The following CDKAL1 variants were observed in gnomAD, a reference collection of about 807,000 sequenced individuals.
The protein encoded by CDKAL1 is CDKAL1 threonylcarbamoyladenosine tRNA methylthiotransferase.
A neutral mutation model predicts 68.2 loss-of-function variants in CDKAL1; 32 were observed. The observed-to-expected ratio is 0.47, with a 90% confidence interval of 0.35 to 0.63. The LOEUF (loss-of-function observed/expected upper bound fraction) is 0.63, where lower values mean the gene tolerates loss of function less well. CDKAL1 is among the 30% of genes least tolerant of loss of function. The pLI is 0.00. For synonymous variants in CDKAL1, 234 were observed against 244.3 expected, an observed-to-expected ratio of 0.96 and a Z score of 0.39; for missense variants, 606 against 696.7, an observed-to-expected ratio of 0.87 and a Z score of 1.47.
intron 15 of CDKAL1, among the ~76,000 whole-genome samples, chr6:21,205,267 G>A (rs748613990): frequency 3.5e-4 from 54 of 152,192 alleles, no homozygotes; most frequent in Non-Finnish European, 6.8e-4. Flanking sequence ...GAACATGGGT[G>A]CACAGATATC....
At chr6:21,043,833 G>A (rs1259073687) in intron 11 of CDKAL1, among the ~76,000 whole-genome samples, 1 of 152,238 alleles carries the variant, frequency 6.6e-6, no homozygotes, top group Non-Finnish European at 1.5e-5. Flanking sequence ...TATTGTCACA[G>A]TGTATACAGC....
intron 8 of CDKAL1, among the ~76,000 whole-genome samples, chr6:20,836,673 C>T (rs1180115557): frequency 6.6e-6 from 1 of 152,076 alleles, no homozygotes. Context: ...CAGCACAATT[C>T]TTTATAAAGG....
In CDKAL1 at chr6:20,930,482, GA is replaced by G. The variant is rs1464814760; in HGVS notation, c.743-24934del. On this transcript the variant is annotated intron_variant, in intron 9 of 15. Transcript: ENST00000274695. ...AAGAAGTAGTTTTTGTCTCCAAATG[GA>G]AATTCCAGAGTAATTCAAATGCCTT... Among the ~76,000 whole-genome samples the G allele has an allele frequency of 5.3e-5, 8 of 152,156 alleles. No individual in the cohort carries two copies. In the East Asian group the frequency reaches 1.6e-3, roughly 29 times the overall value.
chr6:20,538,489 C>A (rs1763264654), intron 2 of CDKAL1, among the ~76,000 whole-genome samples: 1 of 152,186 alleles, frequency 6.6e-6, no homozygotes, highest in Non-Finnish European at 1.5e-5. Context: ...AGAAGCTTAG[C>A]AACTTCTGCT....
chr6:21,011,196 G>C (rs923136724), intron 11 of CDKAL1, among the ~76,000 whole-genome samples: 1 of 149,974 alleles, frequency 6.7e-6, no homozygotes, highest in African/African-American at 2.5e-5. Context: ...GGCTAACATG[G>C]TGAAACCCCA....
At chr6:21,229,753 G>A (rs946092073) in intron 15 of CDKAL1, among the ~76,000 whole-genome samples, 1 of 152,120 alleles carries the variant, frequency 6.6e-6, no homozygotes, top group Non-Finnish European at 1.5e-5. Flanking sequence ...CAACAGGGGA[G>A]TCCCATGTTA....
intron 11 of CDKAL1, among the ~76,000 whole-genome samples, chr6:21,062,592 A>G (rs1272983511): frequency 6.6e-6 from 1 of 152,144 alleles, no homozygotes; most frequent in Admixed American, 6.5e-5. Context: ...TTTTCTATTT[A>G]TCATCATGGA....
chr6:20,756,877 T>G (rs1429611378), intron 6 of CDKAL1: 1 of 75,778 alleles, frequency 1.3e-5, no homozygotes, highest in African/African-American at 4.8e-5. Context: ...CCTTCCTTCC[T>G]TCCTTCCTTC....
At chr6:21,015,059 C>T (rs1049150301) in intron 11 of CDKAL1, among the ~76,000 whole-genome samples, 1 of 152,184 alleles carries the variant, frequency 6.6e-6, no homozygotes, top group Non-Finnish European at 1.5e-5. Context: ...TAGGGCATAT[C>T]TTTCTCCCAC....
intron 4 of CDKAL1, among the ~76,000 whole-genome samples, chr6:20,592,760 T>C (rs1158027296): frequency 6.6e-6 from 1 of 151,924 alleles, no homozygotes. Flanking sequence ...AGCCGCTGTG[T>C]TTGGCCTCAG....
At chr6:20,883,714 A>G (rs1760933996) in intron 9 of CDKAL1, among the ~76,000 whole-genome samples, 1 of 152,240 alleles carries the variant, frequency 6.6e-6, no homozygotes, top group African/African-American at 2.4e-5. Flanking sequence ...AAAGTACAAT[A>G]TTATCATAGA....
At chr6:20,752,978 A>C (rs929987452) in intron 6 of CDKAL1, among the ~76,000 whole-genome samples, 1 of 152,004 alleles carries the variant, frequency 6.6e-6, no homozygotes, top group African/African-American at 2.4e-5. Flanking sequence ...GACCACTCCC[A>C]ACGTTTTTTT....
In CDKAL1 at chr6:21,190,521, C is replaced by G. The variant is rs555733953; in HGVS notation, c.1300-7500C>G. On this transcript the variant is annotated intron_variant, in intron 13 of 15. Transcript: ENST00000274695. ...TAGCTGGGATTACAGGCATCTGCCA[C>G]CGCACCTGGCTAATTTTTGTATTTT... is the stretch of plus-strand genomic sequence containing the variant. Among the ~76,000 whole-genome samples the G allele has an allele frequency of 9.9e-5, 15 of 152,282 alleles. No homozygotes were observed. The South Asian group carries it at 1.7e-3, about 17-fold the overall frequency.
At chr6:20,867,297 A>T (rs1759961645) in intron 9 of CDKAL1, among the ~76,000 whole-genome samples, 1 of 152,218 alleles carries the variant, frequency 6.6e-6, no homozygotes, top group Admixed American at 6.5e-5. Context: ...TATTAATGGC[A>T]TGACCTTTGT....
chr6:21,058,829 G>A (rs1418753329), intron 11 of CDKAL1, among the ~76,000 whole-genome samples: 1 of 152,046 alleles, frequency 6.6e-6, no homozygotes, highest in Non-Finnish European at 1.5e-5. Context: ...ATGCCAGGGG[G>A]CATGCTCCTG....
chr6:20,918,218 A>C (rs763502963), intron 9 of CDKAL1, among the ~76,000 whole-genome samples: 1 of 152,214 alleles, frequency 6.6e-6, no homozygotes, highest in Non-Finnish European at 1.5e-5. Flanking sequence ...CCAGACACCA[A>C]ATCTGCTGGC....
At chr6:20,611,195 C>T (rs1766602042) in intron 4 of CDKAL1, among the ~76,000 whole-genome samples, 1 of 152,096 alleles carries the variant, frequency 6.6e-6, no homozygotes, top group African/African-American at 2.4e-5. Flanking sequence ...AATGTCTATT[C>T]AGCTACTTCA....
At chr6:21,168,265 A>C (rs1777231268) in intron 13 of CDKAL1, among the ~76,000 whole-genome samples, 1 of 152,220 alleles carries the variant, frequency 6.6e-6, no homozygotes, top group Non-Finnish European at 1.5e-5. Context: ...TGAGAACCAG[A>C]TCCAAAGCAG....
At chr6:20,663,241 T>C (rs924406660) in intron 5 of CDKAL1, among the ~76,000 whole-genome samples, 4 of 151,848 alleles carry the variant, frequency 2.6e-5, no homozygotes, top group African/African-American at 7.3e-5. Flanking sequence ...TGTTTTTTTT[T>C]CTTTTGTTTT....
Sources: allele counts gnomAD v4.1 joint callset (sites outside exome capture counted in the v4.1 genomes callset), GRCh38; gene constraint gnomAD v4.1.1; transcripts MANE v1.5; gene names NCBI Gene and HGNC (gene_info 2026-07-23, HGNC 2026-07-21).